The following COL6A5 variants were observed in gnomAD, a reference collection of about 807,000 sequenced individuals.
COL6A5 encodes collagen alpha-5(VI) chain.
Under a neutral mutation model 65.6 loss-of-function variants are expected in COL6A5, and 48 were observed. The observed-to-expected ratio is 0.73, with a 90% CI of 0.58 to 0.93. The LOEUF is 0.93. COL6A5 is among the 40% of genes least tolerant of loss of function. COL6A5 has a pLI of 0.00. For missense variants in COL6A5, 914 were observed against 928.3 expected (o/e 0.98, Z 0.20); for synonymous variants, 291 against 322.8 (o/e 0.90, Z 1.05).
In COL6A5 at chr3:130,397,569, C is replaced by G. The variant is rs780543660; in HGVS notation, c.3569-14C>G. 1.5e-4 allele frequency: 232 copies of G among 1,530,604 alleles called. 1 individual carries two copies. Among genetic ancestry groups the G allele is most frequent in the Non-Finnish European group, 2.0e-4 (225 of 1,133,630 alleles). 94.8% of individuals were successfully genotyped at this position (1,530,604 alleles called of 1,614,324 possible). A position where few individuals can be genotyped will look rare whatever the true frequency, so the allele number is the denominator to read the frequency against. On this transcript the variant is annotated splice_polypyrimidine_tract_variant and intron_variant and NMD_transcript_variant, in intron 8 of 41. Transcript: ENST00000312481. ...TCTACTCGTTAATCTTGACTCTGTT[C>G]CCTTGGTTTCTAGATTGCTTTATGG...
At chr3:130,465,441 C>G (rs1199798220) in intron 5 of COL6A5, among the ~76,000 whole-genome samples, 1 of 151,902 alleles carries the variant, frequency 6.6e-6, no homozygotes, top group Non-Finnish European at 1.5e-5. Flanking sequence ...TTTTTTCCCA[C>G]CAGCAAGCCT....
chr3:130,358,232 A>G (rs559192083), intron 1 of COL6A5, among the ~76,000 whole-genome samples: 50 of 152,242 alleles, frequency 3.3e-4, no homozygotes, highest in African/African-American at 1.1e-3. Flanking sequence ...TAAGTTAGGA[A>G]CATTATCAAC....
chr3:130,450,206 T>G (rs1009095440), intron 4 of COL6A5, among the ~76,000 whole-genome samples: 4 of 152,076 alleles, frequency 2.6e-5, no homozygotes, highest in Non-Finnish European at 5.9e-5. Context: ...AAGTGTCCCA[T>G]TTGATGTTGG....
At chr3:130,408,878 A>G (rs998673513) in intron 17 of COL6A5, among the ~76,000 whole-genome samples, 6 of 152,220 alleles carry the variant, frequency 3.9e-5, no homozygotes, top group African/African-American at 1.4e-4. Context: ...TTAATTATAG[A>G]TGTTGGAAGT....
chr3:130,351,056 A>G (rs990418525), intron 1 of COL6A5, among the ~76,000 whole-genome samples: 1 of 152,234 alleles, frequency 6.6e-6, no homozygotes, highest in South Asian at 2.1e-4. Context: ...AAAGCAAGAA[A>G]TGGGGAAAGG....
At chr3:130,449,851 G>A (rs773155779) in intron 4 of COL6A5, among the ~76,000 whole-genome samples, 1 of 152,030 alleles carries the variant, frequency 6.6e-6, no homozygotes, top group Non-Finnish European at 1.5e-5. Context: ...TCTCATCAAC[G>A]GAATCAGAAT....
intron 1 of COL6A5, among the ~76,000 whole-genome samples, chr3:130,370,029 G>A (rs958547099): frequency 1.3e-5 from 2 of 152,150 alleles, no homozygotes; most frequent in African/African-American, 4.8e-5. Flanking sequence ...TGGGCCCCAA[G>A]TCTAGTTTGG....
exon 14 of COL6A5, chr3:130,405,646 C>T (rs891500201): frequency 3.8e-5 from 59 of 1,549,906 alleles, no homozygotes; most frequent in Non-Finnish European, 4.9e-5. Context: ...TGTCCAGGGG[C>T]GTGGGGTCAG....
At chr3:130,480,298 T>A (rs1171990535) in intron 7 of COL6A5, among the ~76,000 whole-genome samples, 2 of 152,060 alleles carry the variant, frequency 1.3e-5, no homozygotes, top group African/African-American at 4.8e-5. Context: ...TAAATTCTAA[T>A]GATAATTCAT....
intron 7 of COL6A5, among the ~76,000 whole-genome samples, chr3:130,471,377 T>A (rs1402979227): frequency 1.3e-5 from 2 of 152,062 alleles, no homozygotes; most frequent in Non-Finnish European, 2.9e-5. Context: ...GCAAAACACA[T>A]ATGAAGATTG....
At chr3:130,481,882 T>C (rs1046787941) in intron 7 of COL6A5, among the ~76,000 whole-genome samples, 1 of 152,186 alleles carries the variant, frequency 6.6e-6, no homozygotes, top group African/African-American at 2.4e-5. Flanking sequence ...TTGCCTACTT[T>C]TTAATGGGGT....
intron 2 of COL6A5, among the ~76,000 whole-genome samples, chr3:130,374,209 A>T (rs1460632199): frequency 6.6e-6 from 1 of 152,182 alleles, no homozygotes; most frequent in Non-Finnish European, 1.5e-5. Flanking sequence ...TTGTGTAAAC[A>T]TCATAGAGTA....
chr3:130,392,425 T>C (rs576978358), intron 7 of COL6A5, among the ~76,000 whole-genome samples: 2 of 152,136 alleles, frequency 1.3e-5, no homozygotes, highest in African/African-American at 4.8e-5. Context: ...AGGGTGACAC[T>C]TGCCACTTGT....
intron 20 of COL6A5, among the ~76,000 whole-genome samples, chr3:130,411,910 C>T (rs1937187960): frequency 6.6e-6 from 1 of 152,102 alleles, no homozygotes; most frequent in South Asian, 2.1e-4. Context: ...TGATATGAAA[C>T]AACATCAGGT....
chr3:130,359,128 A>G (rs924794269), intron 1 of COL6A5, among the ~76,000 whole-genome samples: 1 of 152,202 alleles, frequency 6.6e-6, no homozygotes, highest in Non-Finnish European at 1.5e-5. Context: ...GGTTAAATAC[A>G]TATAGAAATA....
intron 1 of COL6A5, among the ~76,000 whole-genome samples, chr3:130,350,627 A>T (rs1252710560): frequency 2.0e-5 from 3 of 152,244 alleles, no homozygotes; most frequent in Non-Finnish European, 2.9e-5. Flanking sequence ...CTCTTCAAGG[A>T]GAACTATAAA....
At chr3:130,357,765 A>C (rs954698844) in intron 1 of COL6A5, among the ~76,000 whole-genome samples, 23 of 152,338 alleles carry the variant, frequency 1.5e-4, no homozygotes, top group African/African-American at 5.5e-4. Flanking sequence ...GGCAAGGTAA[A>C]ATTTAGCAGC....
chr3:130,412,398 C>T (rs1171456412), intron 20 of COL6A5, among the ~76,000 whole-genome samples: 1 of 152,166 alleles, frequency 6.6e-6, no homozygotes, highest in Non-Finnish European at 1.5e-5. Context: ...GGGCTGCTAA[C>T]CACACTGGGT....
chr3:130,354,656 T>G (rs544429914), intron 1 of COL6A5, among the ~76,000 whole-genome samples: 3 of 152,314 alleles, frequency 2.0e-5, no homozygotes, highest in African/African-American at 7.2e-5. Flanking sequence ...TTCCTAGAAG[T>G]ACTACTTGAA....
Sources: allele counts gnomAD v4.1 joint callset (sites outside exome capture counted in the v4.1 genomes callset), GRCh38; gene constraint gnomAD v4.1.1; transcripts MANE v1.5; gene names NCBI Gene and HGNC (gene_info 2026-07-23, HGNC 2026-07-21).